The following GDPD4 variants were observed in gnomAD, a reference collection of about 807,000 sequenced individuals.
GDPD4 encodes glycerophosphodiester phosphodiesterase 6.
Under a neutral mutation model 67.8 loss-of-function variants are expected in GDPD4, and 60 were observed. That is an observed-to-expected ratio of 0.88 (90% confidence interval 0.72 to 1.10). The LOEUF (loss-of-function observed/expected upper bound fraction) is 1.10. Among genes scored for constraint, GDPD4 ranks in the 50% least tolerant of loss-of-function variants. GDPD4 has a pLI of 0.00. For synonymous variants in GDPD4, 212 were observed against 210.9 expected (o/e 1.00, Z -0.04); for missense variants, 623 against 613.9 (o/e 1.01, Z -0.16).
intron 11 of GDPD4, among the ~76,000 whole-genome samples, chr11:77,246,166 G>C (rs1427329534): frequency 1.9e-3 from 296 of 152,292 alleles, no homozygotes; most frequent in Non-Finnish European, 3.4e-3. Flanking sequence ...CATGCCTGTA[G>C]TCCTAACTAC....
chr11:77,241,361 G>A (rs753845489), intron 13 of GDPD4, among the ~76,000 whole-genome samples: 3 of 152,140 alleles, frequency 2.0e-5, no homozygotes, highest in Admixed American at 6.5e-5. Flanking sequence ...TCTCCCTTAC[G>A]TGTGGACTCT....
intron 11 of GDPD4, among the ~76,000 whole-genome samples, chr11:77,246,953 TAGC>T (rs929782057): frequency 2.0e-5 from 3 of 152,248 alleles, no homozygotes; most frequent in Non-Finnish European, 4.4e-5. Flanking sequence ...GAGAAGGAAG[TAGC>T]AGAAGGAAGA....
rs368690399 is a variant in GDPD4 at position 77,233,076 on chromosome 11, G to C, written c.1338C>G (p.Thr446=). 1.9e-5 allele frequency: 30 copies of C among 1,613,910 alleles called. No individual in the cohort carries two copies. Among genetic ancestry groups the C allele is most frequent in the Admixed American group, 6.7e-5 (4 of 59,980 alleles). Residue 446 remains threonine (T), a synonymous_variant, in exon 14 of 17, where the codon ACC becomes ACG. Transcript: ENST00000315938. ...GACTCAGGAGCCCAATGTTGTCTGT[G>C]GTCACTGAGTTAATCCTGGAGCACC... ...LAWCSRINSV[T]TDNIGLLSQL...
chr11:77,234,314 T>A (rs1330948307), intron 13 of GDPD4, among the ~76,000 whole-genome samples: 1 of 152,218 alleles, frequency 6.6e-6, no homozygotes, highest in Non-Finnish European at 1.5e-5. Flanking sequence ...AGTTACTTAT[T>A]TTTACCTTTT....
rs756365708 is a variant in GDPD4, at chr11:77,271,330, T to C, written c.271A>G (p.Lys91Glu). 5.9e-5 allele frequency: 95 copies of C among 1,613,960 alleles called. No homozygotes were observed. The highest frequency in any genetic ancestry group is 6.9e-5 in the Non-Finnish European group (81 of 1,179,842). ...ILMFIICKFW[K>E]ERWLVAGLSM... The stretch of plus-strand genomic sequence containing the variant: ...AGCCCAGCTACCAGCCACCTTTCTT[T>C]CCAGAATTTGCATATAATGAACATT... Residue 91 changes from lysine (K) to glutamate (E), a missense_variant, in exon 6 of 17, where the codon AAA becomes GAA. Transcript: ENST00000315938.
chr11:77,239,379 TAAGA>T (rs1958621798), intron 13 of GDPD4, among the ~76,000 whole-genome samples: 1 of 152,156 alleles, frequency 6.6e-6, no homozygotes, highest in Non-Finnish European at 1.5e-5. Flanking sequence ...GGCATCCAAA[TAAGA>T]AAGAAGTCAG....
At chr11:77,218,240 C>A (rs1046520833) in intron 16 of GDPD4, among the ~76,000 whole-genome samples, 7 of 152,170 alleles carry the variant, frequency 4.6e-5, no homozygotes, top group African/African-American at 1.7e-4. Flanking sequence ...TTCTTTCTCT[C>A]ACTAAAGTTT....
chr11:77,246,102 T>C (rs1958779865), intron 11 of GDPD4, among the ~76,000 whole-genome samples: 1 of 152,202 alleles, frequency 6.6e-6, no homozygotes, highest in East Asian at 1.9e-4. Context: ...CTGGGCAACA[T>C]AGTGAGACCC....
At chr11:77,267,762 C>G (rs751655129) in intron 10 of GDPD4, among the ~76,000 whole-genome samples, 15 of 152,120 alleles carry the variant, frequency 9.9e-5, no homozygotes, top group Non-Finnish European at 2.2e-4. Flanking sequence ...CAGTCTGACA[C>G]TTGTCTTTTC....
At chr11:77,254,593 A>G (rs1292809078) in intron 11 of GDPD4, among the ~76,000 whole-genome samples, 1 of 152,066 alleles carries the variant, frequency 6.6e-6, no homozygotes, top group Non-Finnish European at 1.5e-5. Context: ...GATAAATAAA[A>G]CTTGTACTCA....
intron 4 of GDPD4, among the ~76,000 whole-genome samples, chr11:77,279,061 C>A (rs1380162022): frequency 6.6e-6 from 1 of 152,198 alleles, no homozygotes; most frequent in African/African-American, 2.4e-5. Context: ...GATGTTGTTA[C>A]ACTTTCAAAG....
Position 77,276,916 on chromosome 11 carries a change from GA to G in GDPD4, c.148-697del, listed in dbSNP as rs201663811. On this transcript the variant is annotated intron_variant, in intron 4 of 16. Transcript: ENST00000315938. ...TTATTAAATATTATCATTCTTATTT[GA>G]AAAAAAAATGAAACTGAGGTCAGAA... 2.7e-3 allele frequency among the ~76,000 whole-genome samples: 396 copies of G among 148,410 alleles called. 3 individuals are homozygous for G. Among genetic ancestry groups the G allele is most frequent in the African/African-American group, 9.3e-3 (375 of 40,458 alleles).
chr11:77,222,745 G>A (rs1958251769), intron 16 of GDPD4, among the ~76,000 whole-genome samples: 1 of 152,048 alleles, frequency 6.6e-6, no homozygotes, highest in Admixed American at 6.6e-5. Context: ...CTTTGTGGTG[G>A]TCTCTGTATT....
At chr11:77,296,461 C>CAT (rs1466592064) in intron 1 of GDPD4, among the ~76,000 whole-genome samples, 4 of 150,720 alleles carry the variant, frequency 2.7e-5, no homozygotes, top group Non-Finnish European at 4.4e-5. Context: ...GCTGGCATTA[C>CAT]AAGCACGCAC....
At chr11:77,233,908 C>T (rs768231644) in intron 13 of GDPD4, among the ~76,000 whole-genome samples, 20 of 152,112 alleles carry the variant, frequency 1.3e-4, no homozygotes, top group Non-Finnish European at 2.2e-4. Context: ...CTAATTTGTC[C>T]CATGGCACTA....
intron 1 of GDPD4, among the ~76,000 whole-genome samples, chr11:77,299,814 C>T (rs1938099912): frequency 6.6e-6 from 1 of 152,132 alleles, no homozygotes; most frequent in Non-Finnish European, 1.5e-5. Flanking sequence ...AGTAAAGTTA[C>T]ACAGAAAAAG....
intron 10 of GDPD4, among the ~76,000 whole-genome samples, chr11:77,260,467 A>G (rs1591555121): frequency 6.6e-6 from 1 of 152,282 alleles, no homozygotes; most frequent in East Asian, 1.9e-4. Context: ...GACCAACCTT[A>G]AAGGATACAA....
chr11:77,281,786 T>C lies in GDPD4; in HGVS notation c.54-2387A>G, dbSNP rs954646286. Among the ~76,000 whole-genome samples, 3 of 152,144 alleles carry C rather than the reference T, an allele frequency of 2.0e-5. No homozygotes were observed. The East Asian group carries it at 5.8e-4, about 29-fold the overall frequency. On this transcript the variant is annotated intron_variant, in intron 3 of 16. Coordinates refer to ENST00000315938, the MANE Select transcript of GDPD4 (RefSeq NM_182833.3). ...TTGTGACTTGTGGGGGAAGGAATCC[T>C]AGCTTTGAAGCATCTAAATGTGTGA...
chr11:77,280,650 A>C (rs1217419271), intron 3 of GDPD4, among the ~76,000 whole-genome samples: 1 of 152,200 alleles, frequency 6.6e-6, no homozygotes, highest in Non-Finnish European at 1.5e-5. Flanking sequence ...ATATCAGATC[A>C]CATGTAAATA....
Sources: gnomAD v4.1 joint callset for allele counts (sites outside exome capture counted in the v4.1 genomes callset) on GRCh38, gnomAD v4.1.1 for gene constraint, MANE v1.5 for transcripts, NCBI Gene and HGNC (gene_info 2026-07-23, HGNC 2026-07-21) for gene names.